The following PLXDC2 variants were observed in gnomAD, a reference collection of about 807,000 sequenced individuals.
PLXDC2 encodes plexin domain-containing protein 2.
In PLXDC2, 40 loss-of-function variants were observed where a neutral mutation model predicts 68.9. That is an observed-to-expected ratio of 0.58 (90% CI 0.45 to 0.76). PLXDC2 has a LOEUF of 0.76. PLXDC2 is among the 30% of genes least tolerant of loss of function. The probability of loss-of-function intolerance (pLI) is 0.00; values close to 1 mark genes in which losing one functional copy is unlikely to be tolerated. For missense variants in PLXDC2, 644 were observed against 661.9 expected, an observed-to-expected ratio of 0.97 and a Z score of 0.30; for synonymous variants, 243 against 234.2, an observed-to-expected ratio of 1.04 and a Z score of -0.34.
intron 1 of PLXDC2, among the ~76,000 whole-genome samples, chr10:19,899,935 C>T (rs531770278): frequency 6.6e-6 from 1 of 152,220 alleles, no homozygotes; most frequent in Non-Finnish European, 1.5e-5. Context: ...CTTTTTGCCA[C>T]ATTTTCCTAG....
At chr10:19,990,944 T>C (rs180686508) in intron 1 of PLXDC2, among the ~76,000 whole-genome samples, 1 of 152,120 alleles carries the variant, frequency 6.6e-6, no homozygotes. Context: ...TGGAGTGAAA[T>C]AGTATTGAAA....
chr10:20,140,892 T>C (rs1036956816), intron 4 of PLXDC2, among the ~76,000 whole-genome samples: 17 of 152,026 alleles, frequency 1.1e-4, no homozygotes, highest in African/African-American at 3.9e-4. Context: ...TCATGTTAAG[T>C]CTTCGTGGTG....
At chr10:20,202,412 G>C (rs1187874147) in intron 9 of PLXDC2, among the ~76,000 whole-genome samples, 3 of 152,150 alleles carry the variant, frequency 2.0e-5, no homozygotes, top group Admixed American at 6.6e-5. Context: ...GAAACTGAAA[G>C]TCAGTGAGGA....
chr10:20,219,890 C>CT (rs1835187513), intron 12 of PLXDC2, among the ~76,000 whole-genome samples: 1 of 152,204 alleles, frequency 6.6e-6, no homozygotes, highest in Admixed American at 6.5e-5. Flanking sequence ...TAGATGATTT[C>CT]TTGAGTAAGT....
At chr10:20,213,301 A>G (rs543179987) in intron 10 of PLXDC2, among the ~76,000 whole-genome samples, 27 of 152,104 alleles carry the variant, frequency 1.8e-4, no homozygotes, top group East Asian at 1.7e-3. Flanking sequence ...TTCAAGCACC[A>G]TTTGTTAACT....
chr10:19,974,776 A>G (rs1834420122), intron 1 of PLXDC2, among the ~76,000 whole-genome samples: 1 of 152,210 alleles, frequency 6.6e-6, no homozygotes, highest in African/African-American at 2.4e-5. Flanking sequence ...TCAGTTAAAT[A>G]AATAAGTGAA....
At chr10:19,968,312 T>A (rs34255299) in intron 1 of PLXDC2, among the ~76,000 whole-genome samples, 1 of 152,012 alleles carries the variant, frequency 6.6e-6, no homozygotes, top group Admixed American at 6.6e-5. Flanking sequence ...ATCTCCTTCA[T>A]TGCTTTTTTG....
chr10:20,180,873 G>A (rs1044673948), intron 9 of PLXDC2, among the ~76,000 whole-genome samples: 4 of 152,008 alleles, frequency 2.6e-5, no homozygotes, highest in Admixed American at 1.3e-4. Flanking sequence ...CCTCATTGCA[G>A]ACTGAGAATA....
intron 1 of PLXDC2, among the ~76,000 whole-genome samples, chr10:19,906,218 G>A (rs1833155051): frequency 6.6e-6 from 1 of 152,082 alleles, no homozygotes; most frequent in Non-Finnish European, 1.5e-5. Context: ...TGTAAGATGT[G>A]TGTTATTATT....
intron 4 of PLXDC2, among the ~76,000 whole-genome samples, chr10:20,097,571 T>A (rs1833367700): frequency 1.3e-5 from 2 of 151,252 alleles, no homozygotes; most frequent in East Asian, 1.9e-4. Flanking sequence ...TACTTGTAAC[T>A]TTTTTTTTCT....
At chr10:20,099,370 A>G (rs564033808) in intron 4 of PLXDC2, among the ~76,000 whole-genome samples, 1 of 152,288 alleles carries the variant, frequency 6.6e-6, no homozygotes, top group African/African-American at 2.4e-5. Context: ...ATGACCATAT[A>G]AATATTAATT....
rs1237138055 is a variant in PLXDC2 at position 20,280,072 on chromosome 10, A to G, written c.*253A>G. 2.7e-5 allele frequency: 11 copies of G among 408,860 alleles called. No individual in the cohort carries two copies. The East Asian group carries it at 3.8e-4, about 14-fold the overall frequency. The allele number at this position is 408,860 out of a possible 1,614,324, so 25.3% of individuals were successfully genotyped here. On this transcript the variant is annotated 3_prime_UTR_variant, in exon 14 of 14. Coordinates refer to ENST00000377252, the MANE Select transcript of PLXDC2 (RefSeq NM_032812.9). The stretch of plus-strand genomic sequence containing the variant: ...GAATGTCATCTATAGTTCACTCGGA[A>G]CATCTCCCGTGGACTTATCTGAAGT...
intron 6 of PLXDC2, among the ~76,000 whole-genome samples, chr10:20,162,065 AGAGAGAGAAGGAAG>A (rs1342626930): frequency 0.011 from 556 of 50,304 alleles, 2 homozygotes; most frequent in Non-Finnish European, 0.013. Context: ...AGAGAGAGAG[AGAGAGAGAAGGAAG>A]GAAGGAAGGA....
At chr10:20,164,864 G>A (rs1834353086) in intron 7 of PLXDC2, among the ~76,000 whole-genome samples, 1 of 152,028 alleles carries the variant, frequency 6.6e-6, no homozygotes, top group Non-Finnish European at 1.5e-5. Context: ...CACCCAGGCT[G>A]GAGTGCAGTG....
Position 19,994,888 on chromosome 10 carries a change from G to A in PLXDC2, c.113-6887G>A, listed in dbSNP as rs183173237. Among the ~76,000 whole-genome samples the A allele has an allele frequency of 4.8e-3, 726 of 151,986 alleles. 5 individuals carry two copies. The highest frequency in any genetic ancestry group is 0.016 in the African/African-American group (684 of 41,466). ...CTCCCAAGTAGCTGGGATTACAGGT[G>A]TGCACCACCACGCCTGGCTAATTTT... On this transcript the variant is annotated intron_variant, in intron 1 of 13. Coordinates refer to ENST00000377252, the MANE Select transcript of PLXDC2 (RefSeq NM_032812.9).
intron 1 of PLXDC2, among the ~76,000 whole-genome samples, chr10:19,827,082 C>T (rs2131305969): frequency 6.6e-6 from 1 of 152,266 alleles, no homozygotes; most frequent in South Asian, 2.1e-4. Flanking sequence ...ACGTCTTTTC[C>T]TGTTTACATG....
At chr10:20,076,017 T>C (rs1836441925) in intron 4 of PLXDC2, among the ~76,000 whole-genome samples, 1 of 152,230 alleles carries the variant, frequency 6.6e-6, no homozygotes, top group Admixed American at 6.5e-5. Context: ...TAGCCTTTCC[T>C]AGTCACTGCA....
At chr10:19,916,231 C>A (rs544519231) in intron 1 of PLXDC2, among the ~76,000 whole-genome samples, 6 of 149,134 alleles carry the variant, frequency 4.0e-5, no homozygotes, top group African/African-American at 1.5e-4. Context: ...ACTGCAACTT[C>A]TGCCTCCAGA....
At chr10:20,216,279 G>A (rs1378634074) in intron 10 of PLXDC2, among the ~76,000 whole-genome samples, 2 of 152,078 alleles carry the variant, frequency 1.3e-5, no homozygotes, top group Non-Finnish European at 2.9e-5. Flanking sequence ...GATGGAAAAA[G>A]GATAACTGAG....
Sources: allele counts gnomAD v4.1 joint callset (sites outside exome capture counted in the v4.1 genomes callset), GRCh38; gene constraint gnomAD v4.1.1; transcripts MANE v1.5; gene names NCBI Gene and HGNC (gene_info 2026-07-23, HGNC 2026-07-21).